COMMD1: variants seen among roughly 807,000 people sequenced by gnomAD.
The protein encoded by COMMD1 is copper metabolism domain containing 1, also known as COMM domain-containing protein 1.
In COMMD1, 10 loss-of-function variants were observed where a neutral mutation model predicts 17.2. The observed-to-expected ratio is 0.58, with a 90% CI of 0.36 to 0.99. The LOEUF (loss-of-function observed/expected upper bound fraction) is 0.99, where lower values mean the gene tolerates loss of function less well. Ranked by LOEUF, COMMD1 falls within the 50% of genes least tolerant of loss-of-function variation. The pLI, the probability that COMMD1 is intolerant of heterozygous loss-of-function variation, is 0.01. For missense variants in COMMD1, 270 were observed against 231.8 expected (o/e 1.17, Z -1.07); for synonymous variants, 97 against 91.6 (o/e 1.06, Z -0.34).
At chr2:62,109,770 C>G (rs1261847285) in intron 2 of COMMD1, among the ~76,000 whole-genome samples, 2 of 152,104 alleles carry the variant, frequency 1.3e-5, no homozygotes, top group East Asian at 3.8e-4. Context: ...ACCCTAACAA[C>G]TAGATAAGAA....
chr2:62,076,576 G>A (rs535496099), intron 2 of COMMD1, among the ~76,000 whole-genome samples: 3 of 152,198 alleles, frequency 2.0e-5, no homozygotes, highest in African/African-American at 2.4e-5. Context: ...GTGAAACCCC[G>A]TCGCTACTAA....
At chr2:62,074,493 T>G (rs542369938) in intron 2 of COMMD1, among the ~76,000 whole-genome samples, 93 of 152,276 alleles carry the variant, frequency 6.1e-4, no homozygotes, top group African/African-American at 2.1e-3. Flanking sequence ...ACTTGGGAAA[T>G]TCCAAGGTTT....
chr2:61,982,323 A>G (rs552260182), intron 1 of COMMD1, among the ~76,000 whole-genome samples: 1 of 152,150 alleles, frequency 6.6e-6, no homozygotes, highest in South Asian at 2.1e-4. Flanking sequence ...AATACTGCTG[A>G]TTTTCGTATG....
rs753889835 is a variant in COMMD1 at position 62,135,992 on chromosome 2, C to G, written c.*51C>G. 4.3e-6 allele frequency: 4 copies of G among 920,266 alleles called. No homozygotes were observed. Among genetic ancestry groups the G allele is most frequent in the South Asian group, 3.9e-5 (3 of 77,174 alleles). The allele number at this position is 920,266 out of a possible 1,614,324, so 57.0% of individuals were successfully genotyped here. ...TGTTGAAACCAAGGTGTCCATGATCCCTCCCCACTGACCTTTTCTAAGAAA... is the reference window on the plus strand; with the variant it reads ...TGTTGAAACCAAGGTGTCCATGATCGCTCCCCACTGACCTTTTCTAAGAAA... On this transcript the variant is annotated 3_prime_UTR_variant, in exon 3 of 3. Coordinates refer to ENST00000311832, the MANE Select transcript of COMMD1 (RefSeq NM_152516.4).
intron 1 of COMMD1, among the ~76,000 whole-genome samples, chr2:61,947,949 T>TA (rs1310346129): frequency 6.6e-6 from 1 of 152,040 alleles, no homozygotes; most frequent in Non-Finnish European, 1.5e-5. Context: ...TTTATGATCT[T>TA]AAACATCTAA....
At chr2:61,983,335 ACGTGC>A (rs1672008186) in intron 1 of COMMD1, among the ~76,000 whole-genome samples, 1 of 151,876 alleles carries the variant, frequency 6.6e-6, no homozygotes, top group South Asian at 2.1e-4. Context: ...GACTACAGGC[ACGTGC>A]CACCACGCCT....
intron 1 of COMMD1, among the ~76,000 whole-genome samples, chr2:61,953,587 C>G (rs564416483): frequency 6.6e-6 from 1 of 152,070 alleles, no homozygotes; most frequent in East Asian, 2.0e-4. Context: ...CCAGGCTGGT[C>G]TTGAACACCT....
chr2:61,947,230 G>A (rs1303121970), intron 1 of COMMD1, among the ~76,000 whole-genome samples: 1 of 151,966 alleles, frequency 6.6e-6, no homozygotes, highest in Non-Finnish European at 1.5e-5. Context: ...TTTAGTAACT[G>A]TTTCAGTATT....
intron 1 of COMMD1, among the ~76,000 whole-genome samples, chr2:61,994,527 T>C (rs1348747973): frequency 6.6e-6 from 1 of 152,116 alleles, no homozygotes; most frequent in Non-Finnish European, 1.5e-5. Context: ...TTTACATTCT[T>C]CTGTTCCCAC....
chr2:61,902,717 G>A (rs1489308439), upstream of COMMD1, among the ~76,000 whole-genome samples: 6 of 152,136 alleles, frequency 3.9e-5, no homozygotes, highest in East Asian at 1.2e-3. Flanking sequence ...GTACGGTAGT[G>A]TGTGCTCATA....
In COMMD1 at chr2:61,954,786, A is replaced by G. The variant is rs144046431; in HGVS notation, c.181-45915A>G. On this transcript the variant is annotated intron_variant, in intron 1 of 2. Coordinates refer to ENST00000311832, the MANE Select transcript of COMMD1 (RefSeq NM_152516.4). ...AGCCTCCACCTTCCAGGTTAAAGCA[A>G]TTCTCCTACCTCAGCCTCCTAAGTA... 1.1e-4 allele frequency among the ~76,000 whole-genome samples: 16 copies of G among 152,208 alleles called. No homozygotes were observed. The East Asian group carries it at 3.1e-3, about 29-fold the overall frequency.
chr2:61,972,099 G>T (rs1671665876), intron 1 of COMMD1, among the ~76,000 whole-genome samples: 1 of 152,042 alleles, frequency 6.6e-6, no homozygotes, highest in African/African-American at 2.4e-5. Context: ...CAGCCTGGGT[G>T]ACAGAACAAG....
At chr2:62,033,638 C>A (rs1169366964) in intron 2 of COMMD1, among the ~76,000 whole-genome samples, 1 of 151,984 alleles carries the variant, frequency 6.6e-6, no homozygotes. Flanking sequence ...GATATAAATA[C>A]TTCAAATATT....
At chr2:62,020,514 A>G (rs1051767519) in intron 2 of COMMD1, among the ~76,000 whole-genome samples, 1 of 151,936 alleles carries the variant, frequency 6.6e-6, no homozygotes, top group Non-Finnish European at 1.5e-5. Context: ...ATTTTGTACT[A>G]TTTCTGTCTC....
At chr2:62,054,177 C>T in intron 2 of COMMD1, among the ~76,000 whole-genome samples, 1 of 152,104 alleles carries the variant, frequency 6.6e-6, no homozygotes, top group East Asian at 1.9e-4. Flanking sequence ...AGTCAGAGTG[C>T]CTATTACTAC....
intron 2 of COMMD1, chr2:62,069,379 A>C (rs1218980775): frequency 6.6e-6 from 1 of 152,212 alleles, no homozygotes; most frequent in African/African-American, 2.4e-5. Context: ...GGGAGATTTG[A>C]AGATTTTCAG....
intron 1 of COMMD1, among the ~76,000 whole-genome samples, chr2:61,988,386 G>T (rs11681566): frequency 2.6e-5 from 4 of 152,082 alleles, no homozygotes; most frequent in Admixed American, 2.6e-4. Flanking sequence ...GATGAATCCC[G>T]CCAGCAGTGG....
intron 2 of COMMD1, among the ~76,000 whole-genome samples, chr2:62,038,863 T>G (rs890023146): frequency 3.4e-4 from 52 of 152,168 alleles, no homozygotes; most frequent in African/African-American, 1.3e-3. Context: ...TCCTTATTTT[T>G]TTAATGTTAG....
chr2:61,990,922 A>ACACACG (rs1672235431), intron 1 of COMMD1, among the ~76,000 whole-genome samples: 1 of 150,364 alleles, frequency 6.7e-6, no homozygotes, highest in African/African-American at 2.4e-5. Flanking sequence ...ACACACACAC[A>ACACACG]CACACACACA....
Sources: allele counts gnomAD v4.1 joint callset (sites outside exome capture counted in the v4.1 genomes callset), GRCh38; gene constraint gnomAD v4.1.1; transcripts MANE v1.5; gene names NCBI Gene and HGNC (gene_info 2026-07-23, HGNC 2026-07-21).